Variants in SAMD4A observed in about 807,000 individuals in gnomAD.
SAMD4A encodes sterile alpha motif domain containing 4A, also known as protein Smaug homolog 1.
SAMD4A carries 33 observed loss-of-function variants against 81.3 expected under a neutral mutation model. The ratio of observed to expected loss-of-function variants is 0.41; its 90% CI spans 0.31 to 0.54. The LOEUF is 0.54. SAMD4A is among the 20% of genes least tolerant of loss of function. SAMD4A has a pLI of 0.37. For missense variants in SAMD4A, 854 were observed against 951.1 expected, an observed-to-expected ratio of 0.90 and a Z score of 1.34; for synonymous variants, 389 against 382.1, an observed-to-expected ratio of 1.02 and a Z score of -0.21.
intron 3 of SAMD4A, among the ~76,000 whole-genome samples, chr14:54,711,818 T>C (rs1467129467): frequency 1.3e-5 from 2 of 151,954 alleles, no homozygotes; most frequent in African/African-American, 4.8e-5. Context: ...GGAGTGAATC[T>C]CAGGGAAAGT....
intron 2 of SAMD4A, among the ~76,000 whole-genome samples, chr14:54,587,021 A>G (rs1247169137): frequency 2.6e-5 from 4 of 152,122 alleles, no homozygotes; most frequent in African/African-American, 4.8e-5. Flanking sequence ...TTTTGGCAGT[A>G]TGGTCATTTT....
intron 2 of SAMD4A, among the ~76,000 whole-genome samples, chr14:54,622,414 A>G (rs1050522759): frequency 6.6e-6 from 1 of 152,224 alleles, no homozygotes; most frequent in Non-Finnish European, 1.5e-5. Context: ...GTGTGATGTT[A>G]TCTTCAAATG....
intron 2 of SAMD4A, among the ~76,000 whole-genome samples, chr14:54,652,492 A>G (rs542747169): frequency 1.3e-5 from 2 of 152,300 alleles, no homozygotes; most frequent in South Asian, 2.1e-4. Context: ...TTAAAAATAC[A>G]TTTAATTATA....
At position 54,631,558 on chromosome 14, in the gene SAMD4A, G is replaced by A. The variant is rs936967874; in HGVS notation, c.196+63446G>A. Among the ~76,000 whole-genome samples, 8 of 152,110 alleles carry A rather than the reference G, an allele frequency of 5.3e-5. No individual in the cohort carries two copies. In the East Asian group the frequency reaches 1.3e-3, roughly 26 times the overall value. The stretch of plus-strand genomic sequence containing the variant: ...AAAGCAACTTTGGAGGGCTCCAGGT[G>A]GTCATTTCTAGGGCAGATGTTTCCC... On this transcript the variant is annotated intron_variant, in intron 2 of 12. Transcript: ENST00000554335.
intron 3 of SAMD4A, among the ~76,000 whole-genome samples, chr14:54,727,744 T>C (rs1396053456): frequency 1.3e-5 from 2 of 152,120 alleles, no homozygotes; most frequent in Non-Finnish European, 2.9e-5. Flanking sequence ...ATTTTAGCAA[T>C]ATGTGAGTTT....
At chr14:54,703,342 C>G (rs945185878) in intron 3 of SAMD4A, 1 of 152,256 alleles carries the variant, frequency 6.6e-6, no homozygotes, top group African/African-American at 2.4e-5. Context: ...GGAGTCCTCT[C>G]TGTGTCTCCC....
intron 2 of SAMD4A, among the ~76,000 whole-genome samples, chr14:54,598,608 G>T (rs1193888571): frequency 6.6e-6 from 1 of 152,152 alleles, no homozygotes; most frequent in Non-Finnish European, 1.5e-5. Context: ...TAGATTTGCT[G>T]TGTCAAAAGT....
At chr14:54,776,654 C>A in intron 11 of SAMD4A, 114 bp downstream of exon 11, 2 of 1,232,264 alleles carry the variant, frequency 1.6e-6, no homozygotes, top group Non-Finnish European at 2.1e-6. Flanking sequence ...TTCTTTGGAG[C>A]TTATAGAAGC....
At chr14:54,673,468 C>T (rs1210037289) in intron 2 of SAMD4A, among the ~76,000 whole-genome samples, 1 of 152,228 alleles carries the variant, frequency 6.6e-6, no homozygotes, top group Non-Finnish European at 1.5e-5. Context: ...TGTACTCAAC[C>T]ATGGGTTTTG....
chr14:54,788,262 A>C (rs916891782), intron 12 of SAMD4A, among the ~76,000 whole-genome samples: 1 of 152,118 alleles, frequency 6.6e-6, no homozygotes, highest in Non-Finnish European at 1.5e-5. Flanking sequence ...CCAGTGTCTC[A>C]TCAGGGACGT....
intron 2 of SAMD4A, among the ~76,000 whole-genome samples, chr14:54,665,941 A>G (rs1190794567): frequency 2.6e-5 from 4 of 152,194 alleles, no homozygotes; most frequent in Non-Finnish European, 5.9e-5. Context: ...GATAATAAAG[A>G]GACACAAATG....
intron 2 of SAMD4A, among the ~76,000 whole-genome samples, chr14:54,665,561 C>T (rs916062114): frequency 1.5e-4 from 23 of 152,170 alleles, no homozygotes; most frequent in African/African-American, 5.6e-4. Flanking sequence ...TGACATTTTA[C>T]CTGAGTGGAC....
intron 2 of SAMD4A, among the ~76,000 whole-genome samples, chr14:54,593,165 G>A (rs1283230860): frequency 6.6e-6 from 1 of 152,130 alleles, no homozygotes; most frequent in Non-Finnish European, 1.5e-5. Flanking sequence ...TAATATATAT[G>A]TTATTTAACC....
At chr14:54,578,753 G>A (rs946819238) in intron 2 of SAMD4A, among the ~76,000 whole-genome samples, 1 of 152,090 alleles carries the variant, frequency 6.6e-6, no homozygotes, top group Admixed American at 6.6e-5. Flanking sequence ...TTGATTTCCA[G>A]TGTATTCCTC....
At chr14:54,648,363 G>T (rs954683846) in intron 2 of SAMD4A, among the ~76,000 whole-genome samples, 1 of 152,150 alleles carries the variant, frequency 6.6e-6, no homozygotes, top group Admixed American at 6.5e-5. Context: ...CTTATTGTGG[G>T]TTGAAGTACA....
chr14:54,580,822 T>C (rs1251626442), intron 2 of SAMD4A, among the ~76,000 whole-genome samples: 5 of 152,214 alleles, frequency 3.3e-5, no homozygotes, highest in Admixed American at 2.6e-4. Flanking sequence ...GTCTAGCACA[T>C]AGGTGATCTC....
At chr14:54,678,961 T>C (rs1468848904) in intron 2 of SAMD4A, among the ~76,000 whole-genome samples, 3 of 152,198 alleles carry the variant, frequency 2.0e-5, no homozygotes, top group Non-Finnish European at 4.4e-5. Flanking sequence ...CATTCCTCTT[T>C]CTCTGTGCTA....
At chr14:54,685,557 G>C (rs2036244804) in intron 2 of SAMD4A, 1 of 393,526 alleles carries the variant, frequency 2.5e-6, no homozygotes, top group Non-Finnish European at 5.1e-6. Flanking sequence ...ATGCTACTGT[G>C]AACATTGGTA....
intron 2 of SAMD4A, among the ~76,000 whole-genome samples, chr14:54,583,368 C>T (rs1401434279): frequency 6.6e-6 from 1 of 152,162 alleles, no homozygotes; most frequent in African/African-American, 2.4e-5. Flanking sequence ...TTTGCTGAGT[C>T]TGGCAACCTT....
Sources: allele counts gnomAD v4.1 joint callset (sites outside exome capture counted in the v4.1 genomes callset), GRCh38; gene constraint gnomAD v4.1.1; transcripts MANE v1.5; gene names NCBI Gene and HGNC (gene_info 2026-07-23, HGNC 2026-07-21).